SLC13A3: variants seen among roughly 807,000 people sequenced by gnomAD.
The protein encoded by SLC13A3 is solute carrier family 13 member 3.
In SLC13A3, 40 loss-of-function variants were observed where a neutral mutation model predicts 59.0. The ratio of observed to expected loss-of-function variants is 0.68; its 90% CI spans 0.53 to 0.88. The LOEUF is 0.88. SLC13A3 is among the 40% of genes least tolerant of loss of function. The probability of loss-of-function intolerance (pLI) is 0.00; values close to 1 mark genes in which losing one functional copy is unlikely to be tolerated. For synonymous variants in SLC13A3, 317 were observed against 330.3 expected (o/e 0.96, Z 0.44); for missense variants, 699 against 783.2 (o/e 0.89, Z 1.28).
chr20:46,587,460 C>T (rs1325121855), intron 8 of SLC13A3, among the ~76,000 whole-genome samples: 1 of 152,154 alleles, frequency 6.6e-6, no homozygotes, highest in East Asian at 1.9e-4. Flanking sequence ...CCCACCAGGC[C>T]TCGCTCCCAC....
At chr20:46,563,130 C>A (rs532838537) in intron 12 of SLC13A3, among the ~76,000 whole-genome samples, 2 of 152,140 alleles carry the variant, frequency 1.3e-5, no homozygotes, top group South Asian at 4.2e-4. Flanking sequence ...TTCTCTCCCC[C>A]GAAGATTCTG....
At chr20:46,679,092 A>T (rs1368366488) in intron 1 of SLC13A3, among the ~76,000 whole-genome samples, 1 of 152,182 alleles carries the variant, frequency 6.6e-6, no homozygotes, top group African/African-American at 2.4e-5. Flanking sequence ...ACTGTAAGCC[A>T]ATTAAGCCTC....
chr20:46,669,269 C>T (rs1357607177), intron 1 of SLC13A3, among the ~76,000 whole-genome samples: 2 of 151,914 alleles, frequency 1.3e-5, no homozygotes, highest in African/African-American at 4.8e-5. Context: ...TGTTCCACCC[C>T]CCTCGTGGAC....
At chr20:46,653,863 T>G (rs1445515008), upstream of SLC13A3, among the ~76,000 whole-genome samples, 2 of 152,228 alleles carry the variant, frequency 1.3e-5, no homozygotes, top group African/African-American at 4.8e-5. Flanking sequence ...TTGGGTTGTT[T>G]CTACCGTTTG....
chr20:46,612,227 G>A (rs1479577444), intron 2 of SLC13A3, among the ~76,000 whole-genome samples: 1 of 148,876 alleles, frequency 6.7e-6, no homozygotes, highest in African/African-American at 2.5e-5. Flanking sequence ...CGCCTCCTGG[G>A]TTCAAGCGAT....
At chr20:46,624,799 T>G (rs2062651932) in intron 1 of SLC13A3, among the ~76,000 whole-genome samples, 1 of 152,158 alleles carries the variant, frequency 6.6e-6, no homozygotes, top group East Asian at 1.9e-4. Context: ...AAAGACCAGA[T>G]GTGGTTCTGA....
upstream of SLC13A3, among the ~76,000 whole-genome samples, chr20:46,672,390 C>T (rs2063098042): frequency 6.6e-6 from 1 of 152,210 alleles, no homozygotes; most frequent in Non-Finnish European, 1.5e-5. Flanking sequence ...ATCATCTATT[C>T]ATTTATTCAT....
chr20:46,591,193 T>C (rs847090), intron 6 of SLC13A3, among the ~76,000 whole-genome samples: 3,433 of 140,924 alleles, frequency 0.024, 44 homozygotes, highest in African/African-American at 0.036. Context: ...AATAAATAAA[T>C]AAACAAACAA....
intron 1 of SLC13A3, among the ~76,000 whole-genome samples, chr20:46,680,728 C>T (rs1466915774): frequency 1.2e-4 from 19 of 152,238 alleles, no homozygotes; most frequent in Non-Finnish European, 1.5e-5. Flanking sequence ...GGTCTCAGCT[C>T]CAGTTCTCCC....
chr20:46,624,067 C>T (rs769282146), intron 1 of SLC13A3, among the ~76,000 whole-genome samples: 5 of 152,204 alleles, frequency 3.3e-5, no homozygotes, highest in Non-Finnish European at 7.3e-5. Context: ...AGCTTCCTGG[C>T]TCCTTGCCAT....
chr20:46,602,680 C>T (rs972692747), intron 3 of SLC13A3, among the ~76,000 whole-genome samples: 2 of 152,122 alleles, frequency 1.3e-5, no homozygotes, highest in African/African-American at 2.4e-5. Flanking sequence ...GTACTACTGG[C>T]GTCTATTAGT....
At chr20:46,655,791 TATATATA>T (rs1417103220), upstream of SLC13A3, among the ~76,000 whole-genome samples, 5 of 144,794 alleles carry the variant, frequency 3.5e-5, 1 homozygote, top group African/African-American at 5.0e-5. Flanking sequence ...ATGCCTTCAG[TATATATA>T]ATATATAATA....
At chr20:46,643,779 C>G (rs6017958) in intron 1 of SLC13A3, among the ~76,000 whole-genome samples, 6,174 of 152,186 alleles carry the variant, frequency 0.041, 381 homozygotes, top group African/African-American at 0.14. Flanking sequence ...TACAGTTGCT[C>G]GTGCCTGTAA....
At chr20:46,632,193 C>G (rs1236041043) in intron 1 of SLC13A3, among the ~76,000 whole-genome samples, 2 of 152,154 alleles carry the variant, frequency 1.3e-5, no homozygotes, top group Admixed American at 6.5e-5. Flanking sequence ...CAGGAGTGTC[C>G]AGGGCTGGGG....
intron 3 of SLC13A3, among the ~76,000 whole-genome samples, chr20:46,605,177 C>T (rs1308974059): frequency 1.3e-5 from 2 of 152,158 alleles, no homozygotes; most frequent in East Asian, 3.8e-4. Flanking sequence ...CATATAAGAT[C>T]AGGAAGGAGG....
chr20:46,646,347 T>G (rs6090536), intron 1 of SLC13A3, among the ~76,000 whole-genome samples: 70,690 of 152,038 alleles, frequency 0.46, 17,641 homozygotes, highest in Non-Finnish European at 0.58. Context: ...GGGATAATTT[T>G]TGTTTGAACT....
At chr20:46,680,355 T>C (rs1242716921) in intron 1 of SLC13A3, among the ~76,000 whole-genome samples, 1 of 152,248 alleles carries the variant, frequency 6.6e-6, no homozygotes, top group Non-Finnish European at 1.5e-5. Flanking sequence ...ACGATAATGA[T>C]ATTGCTCATT....
chr20:46,608,844 T>G (rs2062462588), intron 3 of SLC13A3: 7 of 1,531,928 alleles, frequency 4.6e-6, no homozygotes, highest in African/African-American at 1.4e-5. Flanking sequence ...GGGGCAGATC[T>G]GCCATCTATC....
chr20:46,579,697 CAT>C (rs947489536), intron 9 of SLC13A3, among the ~76,000 whole-genome samples: 10 of 152,330 alleles, frequency 6.6e-5, no homozygotes, highest in Admixed American at 1.3e-4. Flanking sequence ...ACTTAACACA[CAT>C]GTTTTAGTGC....
Sources: gnomAD v4.1 joint callset for allele counts (sites outside exome capture counted in the v4.1 genomes callset) on GRCh38, gnomAD v4.1.1 for gene constraint, MANE v1.5 for transcripts, NCBI Gene and HGNC (gene_info 2026-07-23, HGNC 2026-07-21) for gene names.